Variants in LRRIQ1 observed in about 807,000 individuals in gnomAD.
The protein encoded by LRRIQ1 is leucine rich repeats and IQ motif containing 1.
Under a neutral mutation model 211.9 loss-of-function variants are expected in LRRIQ1, and 210 were observed. The ratio of observed to expected loss-of-function variants is 0.99; its 90% CI spans 0.89 to 1.11. The LOEUF (loss-of-function observed/expected upper bound fraction) is 1.11. LRRIQ1 is among the 50% of genes most tolerant of loss of function. The pLI, the probability that LRRIQ1 is intolerant of heterozygous loss-of-function variation, is 0.00. For synonymous variants in LRRIQ1, 699 were observed against 650.1 expected (o/e 1.08, Z -1.14); for missense variants, 2,136 against 1,939.5 (o/e 1.10, Z -1.90).
intron 24 of LRRIQ1, among the ~76,000 whole-genome samples, chr12:85,205,166 G>C (rs1893481321): frequency 6.6e-6 from 1 of 152,186 alleles, no homozygotes; most frequent in South Asian, 2.1e-4. Context: ...GATGGGACTT[G>C]CTCCTCCTTG....
intron 11 of LRRIQ1, among the ~76,000 whole-genome samples, chr12:85,075,956 G>A (rs959168594): frequency 4.6e-5 from 7 of 151,968 alleles, no homozygotes; most frequent in African/African-American, 1.7e-4. Flanking sequence ...GATAGAGACA[G>A]GATTTGAAAC....
intron 26 of LRRIQ1, among the ~76,000 whole-genome samples, chr12:85,237,106 A>T (rs941457380): frequency 6.6e-5 from 10 of 152,062 alleles, no homozygotes; most frequent in Non-Finnish European, 8.8e-5. Context: ...ATACCAATTT[A>T]TTTGTTTTCC....
intron 15 of LRRIQ1, among the ~76,000 whole-genome samples, chr12:85,119,580 T>C (rs868651478): frequency 3.9e-5 from 6 of 152,182 alleles, no homozygotes; most frequent in Non-Finnish European, 7.4e-5. Flanking sequence ...TATAGGAAAT[T>C]GTCAAATTGT....
At chr12:85,154,711 T>G (rs1457818830) in intron 23 of LRRIQ1, among the ~76,000 whole-genome samples, 1 of 151,342 alleles carries the variant, frequency 6.6e-6, no homozygotes, top group Non-Finnish European at 1.5e-5. Context: ...CAGGATATTA[T>G]GATATCTTTA....
At chr12:85,116,435 G>A (rs1383969659) in intron 15 of LRRIQ1, among the ~76,000 whole-genome samples, 2 of 152,040 alleles carry the variant, frequency 1.3e-5, no homozygotes, top group Non-Finnish European at 2.9e-5. Context: ...TGAGCCACCG[G>A]GCACGGCCGG....
At chr12:85,143,701 C>CT (rs1341736724) in intron 19 of LRRIQ1, among the ~76,000 whole-genome samples, 1 of 151,334 alleles carries the variant, frequency 6.6e-6, no homozygotes, top group Non-Finnish European at 1.5e-5. Context: ...CTAATTGATT[C>CT]TTTTTTATAA....
At chr12:85,114,996 G>A (rs1051147484) in intron 15 of LRRIQ1, among the ~76,000 whole-genome samples, 4 of 152,156 alleles carry the variant, frequency 2.6e-5, no homozygotes, top group Admixed American at 2.0e-4. Flanking sequence ...GTGATAACAG[G>A]GACAATGCTG....
intron 1 of LRRIQ1, among the ~76,000 whole-genome samples, chr12:85,256,981 T>C (rs1896112787): frequency 7.6e-6 from 1 of 131,880 alleles, no homozygotes; most frequent in African/African-American, 2.8e-5. Flanking sequence ...TTGGGAAATA[T>C]TGGGTGAGAG....
intron 16 of LRRIQ1, among the ~76,000 whole-genome samples, chr12:85,122,101 TAAAG>T (rs1223427954): frequency 1.3e-5 from 2 of 152,056 alleles, no homozygotes; most frequent in Admixed American, 6.6e-5. Context: ...CAATATTAGA[TAAAG>T]AAAATGAAAG....
chr12:85,200,947 G>A (rs2137016517), intron 24 of LRRIQ1, among the ~76,000 whole-genome samples: 1 of 152,010 alleles, frequency 6.6e-6, no homozygotes, highest in East Asian at 1.9e-4. Flanking sequence ...AGCCTCCCGA[G>A]TAGCTGGGAC....
chr12:85,121,496 G>A (rs1291722615), intron 15 of LRRIQ1, among the ~76,000 whole-genome samples: 1 of 152,042 alleles, frequency 6.6e-6, no homozygotes, highest in African/African-American at 2.4e-5. Flanking sequence ...AACTTACTTT[G>A]TATATGACCT....
intron 24 of LRRIQ1, among the ~76,000 whole-genome samples, chr12:85,222,180 AG>A (rs1194995433): frequency 1.3e-5 from 2 of 152,208 alleles, no homozygotes; most frequent in African/African-American, 4.8e-5. Flanking sequence ...ACGTGCTTGA[AG>A]TATCTGTTGG....
intron 11 of LRRIQ1, among the ~76,000 whole-genome samples, chr12:85,074,406 G>A (rs1175741035): frequency 6.6e-6 from 1 of 151,674 alleles, no homozygotes; most frequent in Non-Finnish European, 1.5e-5. Flanking sequence ...TGGAAAATGG[G>A]GTATCTATCC....
chr12:85,094,036 A>G (rs1244778660), intron 11 of LRRIQ1, among the ~76,000 whole-genome samples: 2 of 152,174 alleles, frequency 1.3e-5, no homozygotes, highest in South Asian at 2.1e-4. Context: ...TTAAAAGTAC[A>G]TTTGAGACAA....
chr12:85,169,481 T>C (rs2136796258), intron 24 of LRRIQ1, among the ~76,000 whole-genome samples: 1 of 152,288 alleles, frequency 6.6e-6, no homozygotes, highest in Admixed American at 6.5e-5. Context: ...GACTTGATAT[T>C]AAATATCATG....
chr12:85,198,781 A>G (rs1031893481), intron 24 of LRRIQ1, among the ~76,000 whole-genome samples: 17 of 151,982 alleles, frequency 1.1e-4, no homozygotes, highest in Middle Eastern at 3.4e-3. Flanking sequence ...TGTTAGCCAG[A>G]ATGGTCTTGA....
chr12:85,139,607 G>A (rs913391051), intron 19 of LRRIQ1, among the ~76,000 whole-genome samples: 3 of 151,290 alleles, frequency 2.0e-5, no homozygotes, highest in African/African-American at 4.8e-5. Context: ...TCTATCAAAC[G>A]TAATTTACTG....
intron 16 of LRRIQ1, among the ~76,000 whole-genome samples, chr12:85,122,469 T>C (rs987887522): frequency 6.6e-6 from 1 of 152,134 alleles, no homozygotes. Flanking sequence ...TGCATTATAA[T>C]TGATATTTCT....
intron 11 of LRRIQ1, among the ~76,000 whole-genome samples, chr12:85,096,694 T>G (rs1014812865): frequency 3.3e-5 from 5 of 152,156 alleles, no homozygotes; most frequent in African/African-American, 1.2e-4. Flanking sequence ...AGTGTCAAAT[T>G]TAAGTCTAGA....
Sources: gnomAD v4.1 joint callset for allele counts (sites outside exome capture counted in the v4.1 genomes callset) on GRCh38, gnomAD v4.1.1 for gene constraint, MANE v1.5 for transcripts, NCBI Gene and HGNC (gene_info 2026-07-23, HGNC 2026-07-21) for gene names.